Variants in ADAMTS6 observed in about 807,000 individuals in gnomAD.
ADAMTS6 encodes the protein ADAM metallopeptidase with thrombospondin type 1 motif 6, also known as A disintegrin and metalloproteinase with thrombospondin motifs 6.
In ADAMTS6, 23 loss-of-function variants were observed where a neutral mutation model predicts 144.3. The observed-to-expected ratio is 0.16, with a 90% CI of 0.11 to 0.23. The LOEUF is 0.23. Ranked by LOEUF, ADAMTS6 falls within the 10% of genes least tolerant of loss-of-function variation. The probability of loss-of-function intolerance (pLI) is 1.00; values close to 1 mark genes in which losing one functional copy is unlikely to be tolerated. For synonymous variants in ADAMTS6, 444 were observed against 457.5 expected (o/e 0.97, Z 0.38); for missense variants, 999 against 1,379.6 (o/e 0.72, Z 4.37).
At chr5:65,423,411 G>A (rs1756237713) in intron 7 of ADAMTS6, among the ~76,000 whole-genome samples, 1 of 152,104 alleles carries the variant, frequency 6.6e-6, no homozygotes. Flanking sequence ...GTTCAGCTTA[G>A]GTTCCCCAAT....
At chr5:65,170,591 A>G in intron 24 of ADAMTS6, 26 bp downstream of exon 24, 1 of 1,611,548 alleles carries the variant, frequency 6.2e-7, no homozygotes, top group Non-Finnish European at 8.5e-7. Context: ...TAGAAACCAC[A>G]GGCCCCTCCT....
At chr5:65,205,505 C>A (rs950439503) in intron 20 of ADAMTS6, among the ~76,000 whole-genome samples, 2 of 152,226 alleles carry the variant, frequency 1.3e-5, no homozygotes, top group South Asian at 2.1e-4. Context: ...CTAATAATTA[C>A]TTTTTTAAAT....
intron 14 of ADAMTS6, among the ~76,000 whole-genome samples, chr5:65,247,372 G>A (rs1580175482): frequency 6.6e-6 from 1 of 152,060 alleles, no homozygotes; most frequent in Non-Finnish European, 1.5e-5. Context: ...AATTCATTGA[G>A]GCCTAAAAGT....
chr5:65,429,487 A>T (rs547026631), intron 7 of ADAMTS6, among the ~76,000 whole-genome samples: 1 of 152,222 alleles, frequency 6.6e-6, no homozygotes, highest in East Asian at 1.9e-4. Flanking sequence ...AAATATATAT[A>T]CCTACTATGT....
chr5:65,396,622 T>C (rs1424569799), intron 7 of ADAMTS6, among the ~76,000 whole-genome samples: 2 of 152,232 alleles, frequency 1.3e-5, no homozygotes, highest in Non-Finnish European at 2.9e-5. Context: ...AAATTCAGTC[T>C]TCACTGATTC....
intron 7 of ADAMTS6, among the ~76,000 whole-genome samples, chr5:65,363,544 A>C (rs1750024207): frequency 6.6e-6 from 1 of 152,152 alleles, no homozygotes. Flanking sequence ...CAAAGAAAAC[A>C]TTTACTTTTA....
At chr5:65,199,132 T>G (rs1351738950) in intron 20 of ADAMTS6, among the ~76,000 whole-genome samples, 2 of 151,962 alleles carry the variant, frequency 1.3e-5, no homozygotes, top group Non-Finnish European at 2.9e-5. Flanking sequence ...GTGTGATTAT[T>G]TTTTTTTAAG....
chr5:65,421,232 C>T (rs1486044449), intron 7 of ADAMTS6, among the ~76,000 whole-genome samples: 2 of 152,136 alleles, frequency 1.3e-5, no homozygotes, highest in Non-Finnish European at 2.9e-5. Flanking sequence ...TTTAGAACTC[C>T]TTTTAGTATT....
At chr5:65,216,702 A>G (rs1756943196) in intron 18 of ADAMTS6, among the ~76,000 whole-genome samples, 2 of 151,994 alleles carry the variant, frequency 1.3e-5, no homozygotes, top group Non-Finnish European at 2.9e-5. Flanking sequence ...TGTTGTGAAA[A>G]ATTTCTAAGC....
chr5:65,221,826 T>G (rs1021137842), intron 18 of ADAMTS6, among the ~76,000 whole-genome samples: 1 of 151,984 alleles, frequency 6.6e-6, no homozygotes, highest in Non-Finnish European at 1.5e-5. Flanking sequence ...TAAAAAGAAA[T>G]AAACTATATT....
intron 20 of ADAMTS6, among the ~76,000 whole-genome samples, chr5:65,201,201 G>C (rs1755715818): frequency 6.6e-6 from 1 of 152,090 alleles, no homozygotes. Context: ...TACTCTAGGG[G>C]GTGGTGATGG....
At chr5:65,413,027 G>A (rs1755186522) in intron 7 of ADAMTS6, among the ~76,000 whole-genome samples, 2 of 151,974 alleles carry the variant, frequency 1.3e-5, no homozygotes, top group Admixed American at 6.5e-5. Flanking sequence ...TCCAACCTAC[G>A]TATCAAAAAT....
rs771870061 is a variant in ADAMTS6 at position 65,460,164 on chromosome 5, A to G, written c.631+6T>C. On this transcript the variant is annotated splice_donor_region_variant and intron_variant, in intron 4 of 24. Coordinates refer to ENST00000381055, the MANE Select transcript of ADAMTS6 (RefSeq NM_197941.4). ...TACGCTTTGTAAAAGCTGCACACTCACTCACCCGAAACCCCACAATGAGAG... is the reference window on the plus strand; with the variant it reads ...TACGCTTTGTAAAAGCTGCACACTCGCTCACCCGAAACCCCACAATGAGAG... 9 of 1,613,508 alleles carry G rather than the reference A, an allele frequency of 5.6e-6. No homozygotes were observed. The highest frequency in any genetic ancestry group is 7.6e-6 in the Non-Finnish European group (9 of 1,179,786).
intron 11 of ADAMTS6, among the ~76,000 whole-genome samples, chr5:65,275,375 GAAA>G (rs1561364069): frequency 2.5e-5 from 3 of 122,018 alleles, no homozygotes; most frequent in East Asian, 4.4e-4. Flanking sequence ...AAGAAAGAAA[GAAA>G]GAAAGAAAGA....
rs1759977077 is a variant in ADAMTS6, at chr5:65,466,116, GA to G, written c.462+4661del. Among the ~76,000 whole-genome samples, 4 of 152,184 alleles carry G rather than the reference GA, an allele frequency of 2.6e-5. No homozygotes were observed. The South Asian group carries it at 8.3e-4, about 32-fold the overall frequency. ...AGCTTTTTCATCTCAGTTAATTCCA[GA>G]GTCTTTCTCATCTTAGTTGATGGCT... On this transcript the variant is annotated intron_variant, in intron 3 of 24. Transcript: ENST00000381055.
chr5:65,445,543 T>C (rs779928012), intron 7 of ADAMTS6, among the ~76,000 whole-genome samples: 8 of 152,176 alleles, frequency 5.3e-5, no homozygotes, highest in Non-Finnish European at 1.0e-4. Context: ...GGTTTCACTA[T>C]GCTGGCTAGG....
chr5:65,346,005 A>C (rs1392131206), intron 7 of ADAMTS6, among the ~76,000 whole-genome samples: 1 of 151,878 alleles, frequency 6.6e-6, no homozygotes, highest in Non-Finnish European at 1.5e-5. Flanking sequence ...AACCCCTAAT[A>C]ATCTAGCTTA....
At chr5:65,368,913 AGGTATG>A (rs1750560455) in intron 7 of ADAMTS6, among the ~76,000 whole-genome samples, 1 of 152,098 alleles carries the variant, frequency 6.6e-6, no homozygotes, top group African/African-American at 2.4e-5. Flanking sequence ...AAAATTAGCT[AGGTATG>A]GTAGCACACA....
chr5:65,396,490 C>T (rs527772475), intron 7 of ADAMTS6, among the ~76,000 whole-genome samples: 6 of 152,200 alleles, frequency 3.9e-5, no homozygotes, highest in Non-Finnish European at 7.4e-5. Context: ...CTTAATCTAA[C>T]CCATCTCATC....
Sources: allele counts gnomAD v4.1 joint callset (sites outside exome capture counted in the v4.1 genomes callset), GRCh38; gene constraint gnomAD v4.1.1; transcripts MANE v1.5; gene names NCBI Gene and HGNC (gene_info 2026-07-23, HGNC 2026-07-21).